The following PLCB1 variants were observed in gnomAD, a reference collection of about 807,000 sequenced individuals.
The protein encoded by PLCB1 is phospholipase C beta 1.
In PLCB1, 46 loss-of-function variants were observed where a neutral mutation model predicts 161.8. That is an observed-to-expected ratio of 0.28 (90% CI 0.22 to 0.36). The LOEUF (loss-of-function observed/expected upper bound fraction) is 0.36. Among genes scored for constraint, PLCB1 ranks in the 10% least tolerant of loss-of-function variants. The pLI is 1.00. For missense variants in PLCB1, 1,016 were observed against 1,472.5 expected, an observed-to-expected ratio of 0.69 and a Z score of 5.07; for synonymous variants, 517 against 503.7, an observed-to-expected ratio of 1.03 and a Z score of -0.35.
chr20:8,463,988 G>A (rs1313318767), intron 3 of PLCB1, among the ~76,000 whole-genome samples: 1 of 152,070 alleles, frequency 6.6e-6, no homozygotes, highest in African/African-American at 2.4e-5. Context: ...ATCCTCCCGG[G>A]AGTATTGTTA....
At chr20:8,775,651 A>C (rs1982906802) in intron 27 of PLCB1, among the ~76,000 whole-genome samples, 2 of 152,238 alleles carry the variant, frequency 1.3e-5, no homozygotes, top group South Asian at 4.1e-4. Context: ...TGCAATGAGT[A>C]GATCAAAATC....
At chr20:8,758,914 C>T (rs1411879326) in intron 24 of PLCB1, among the ~76,000 whole-genome samples, 1 of 152,220 alleles carries the variant, frequency 6.6e-6, no homozygotes, top group Non-Finnish European at 1.5e-5. Context: ...GGGCAATCAT[C>T]AAAACCAGGA....
chr20:8,351,203 A>C (rs1039606363), intron 2 of PLCB1, among the ~76,000 whole-genome samples: 2 of 152,130 alleles, frequency 1.3e-5, no homozygotes, highest in African/African-American at 4.8e-5. Flanking sequence ...AAGTATAGTA[A>C]ACTGACTTTT....
chr20:8,573,032 G>A lies in PLCB1; in HGVS notation c.247-55262G>A, dbSNP rs78158906. Reference sequence around the variant, plus strand: ...TCAGAAAAGAATCCTAGACACTCCAGTAACACAAAATGCCGTGGACCTGAA... The same window carrying A: ...TCAGAAAAGAATCCTAGACACTCCAATAACACAAAATGCCGTGGACCTGAA... On this transcript the variant is annotated intron_variant, in intron 3 of 31. Coordinates refer to ENST00000338037, the MANE Select transcript of PLCB1 (RefSeq NM_015192.4). 9.8e-3 allele frequency among the ~76,000 whole-genome samples: 1,498 copies of A among 152,264 alleles called. 7 individuals carry two copies. Among genetic ancestry groups the A allele is most frequent in the Non-Finnish European group, 0.016 (1,056 of 68,030 alleles).
chr20:8,794,938 C>A (rs1421400988), intron 31 of PLCB1, among the ~76,000 whole-genome samples: 3 of 152,188 alleles, frequency 2.0e-5, no homozygotes, highest in African/African-American at 4.8e-5. Context: ...ACACATGAAA[C>A]CTCATTCAAA....
chr20:8,639,013 A>T (rs955831177), intron 4 of PLCB1, among the ~76,000 whole-genome samples: 3 of 151,332 alleles, frequency 2.0e-5, no homozygotes, highest in African/African-American at 7.3e-5. Context: ...CCCTGAAGGT[A>T]GTGTTGTGGG....
chr20:8,592,776 C>G (rs1987189228), intron 3 of PLCB1, among the ~76,000 whole-genome samples: 1 of 152,184 alleles, frequency 6.6e-6, no homozygotes, highest in African/African-American at 2.4e-5. Flanking sequence ...ATTTGTATTT[C>G]TGTTTTTAAT....
chr20:8,416,929 TACACAC>T (rs56097941), intron 3 of PLCB1, among the ~76,000 whole-genome samples: 6,902 of 126,356 alleles, frequency 0.055, 433 homozygotes, highest in African/African-American at 0.15. Context: ...AGAGACAGAA[TACACAC>T]ACACACACAC....
At chr20:8,458,340 A>G (rs1981420865) in intron 3 of PLCB1, among the ~76,000 whole-genome samples, 1 of 152,194 alleles carries the variant, frequency 6.6e-6, no homozygotes, top group South Asian at 2.1e-4. Flanking sequence ...CTCATGATCA[A>G]TCAATATTTT....
At chr20:8,815,801 A>G (rs1985061017) in intron 31 of PLCB1, among the ~76,000 whole-genome samples, 1 of 152,242 alleles carries the variant, frequency 6.6e-6, no homozygotes, top group Non-Finnish European at 1.5e-5. Context: ...GAATTTAGTT[A>G]GGGGCTAGAT....
chr20:8,673,079 T>C (rs901501273), intron 9 of PLCB1, among the ~76,000 whole-genome samples: 1 of 151,826 alleles, frequency 6.6e-6, no homozygotes, highest in Non-Finnish European at 1.5e-5. Context: ...GCCACTGCAC[T>C]CCAGCCTGGG....
At chr20:8,590,183 A>G (rs1987106531) in intron 3 of PLCB1, among the ~76,000 whole-genome samples, 1 of 152,158 alleles carries the variant, frequency 6.6e-6, no homozygotes, top group Admixed American at 6.5e-5. Context: ...GAATGACTCA[A>G]CTGAGACATC....
chr20:8,659,622 A>T (rs1249191439), intron 9 of PLCB1, among the ~76,000 whole-genome samples: 2 of 152,116 alleles, frequency 1.3e-5, no homozygotes, highest in Non-Finnish European at 2.9e-5. Flanking sequence ...TGATTATCAT[A>T]AAAGTAAATT....
In PLCB1 at chr20:8,737,684, T is replaced by C. The variant is rs546034620; in HGVS notation, c.2208+492T>C. ...TCACACTCAACTGGGCCCTTCTCTT[T>C]CTTCACCAAAAAGCAAATCTTCACA... On this transcript the variant is annotated intron_variant, in intron 20 of 31. Coordinates refer to ENST00000338037, the MANE Select transcript of PLCB1 (RefSeq NM_015192.4). 2.0e-5 allele frequency among the ~76,000 whole-genome samples: 3 copies of C among 152,336 alleles called. No homozygotes were observed. In the East Asian group the frequency reaches 5.8e-4, roughly 29 times the overall value.
intron 2 of PLCB1, among the ~76,000 whole-genome samples, chr20:8,310,586 T>C (rs1464028479): frequency 6.6e-6 from 1 of 152,140 alleles, no homozygotes; most frequent in Non-Finnish European, 1.5e-5. Context: ...TTAATCATCA[T>C]TTATCTTTTG....
At chr20:8,520,021 A>G (rs1439012723) in intron 3 of PLCB1, among the ~76,000 whole-genome samples, 1 of 152,180 alleles carries the variant, frequency 6.6e-6, no homozygotes, top group Non-Finnish European at 1.5e-5. Context: ...GTTTTAGTCA[A>G]GAAGGAATTG....
At chr20:8,416,026 T>C (rs369477227) in intron 3 of PLCB1, among the ~76,000 whole-genome samples, 18 of 152,346 alleles carry the variant, frequency 1.2e-4, no homozygotes, top group African/African-American at 4.3e-4. Flanking sequence ...TCTTTCTTTT[T>C]TCTGAAACTT....
At chr20:8,618,174 TGAA>T (rs1988083814) in intron 3 of PLCB1, among the ~76,000 whole-genome samples, 2 of 151,684 alleles carry the variant, frequency 1.3e-5, no homozygotes, top group Non-Finnish European at 2.9e-5. Context: ...AAGAGGGAGA[TGAA>T]GAGAAAAATG....
chr20:8,761,976 A>AGG (rs376412796), intron 25 of PLCB1, among the ~76,000 whole-genome samples: 223 of 146,456 alleles, frequency 1.5e-3, no homozygotes, highest in Admixed American at 7.3e-3. Context: ...GGGGAGGCCA[A>AGG]GGGGGGGGCG....
Sources: allele counts gnomAD v4.1 joint callset (sites outside exome capture counted in the v4.1 genomes callset), GRCh38; gene constraint gnomAD v4.1.1; transcripts MANE v1.5; gene names NCBI Gene and HGNC (gene_info 2026-07-23, HGNC 2026-07-21).